The following ASB18 variants were observed in gnomAD, a reference collection of about 807,000 sequenced individuals.
ASB18 encodes the protein ankyrin repeat and SOCS box containing 18.
Under a neutral mutation model 33.4 loss-of-function variants are expected in ASB18, and 33 were observed. The observed-to-expected ratio is 0.99, with a 90% CI of 0.75 to 1.32. ASB18 has a LOEUF of 1.32. Among genes scored for constraint, ASB18 ranks in the 40% most tolerant of loss-of-function variants. ASB18 has a pLI of 0.00. For missense variants in ASB18, 694 were observed against 655.5 expected (o/e 1.06, Z -0.64); for synonymous variants, 295 against 307.6 (o/e 0.96, Z 0.43).
Position 236,216,772 on chromosome 2 carries a change from C to T in ASB18, c.597-1906G>A, listed in dbSNP as rs578021587. 2.6e-5 allele frequency among the ~76,000 whole-genome samples: 4 copies of T among 152,328 alleles called. 1 individual carries two copies. The highest frequency in any genetic ancestry group is 2.6e-4 in the Admixed American group (4 of 15,308). ...TGTGCCTGCCAACAACCCCACCACT[C>T]CCCCTGCCTGCTGGGCGAAGCCCAC... is the stretch of plus-strand genomic sequence containing the variant. On this transcript the variant is annotated intron_variant, in intron 3 of 5. Coordinates refer to ENST00000409749, the MANE Select transcript of ASB18 (RefSeq NM_212556.4). This position sits in a 1 kb window ranked among gnomAD's most constrained non-coding sequence, Gnocchi z 6.1.
chr2:236,242,688 A>T (rs1203739784), intron 1 of ASB18, among the ~76,000 whole-genome samples: 1 of 151,078 alleles, frequency 6.6e-6, no homozygotes, highest in African/African-American at 2.4e-5. Flanking sequence ...CTGGTCTCAA[A>T]CTCTTGATCT....
At chr2:236,218,797 CAAAA>C (rs574423455) in intron 3 of ASB18, among the ~76,000 whole-genome samples, 3,486 of 91,596 alleles carry the variant, frequency 0.038, 140 homozygotes, top group African/African-American at 0.11. Flanking sequence ...GACTCCATCT[CAAAA>C]AAAAAAAAAA....
In ASB18 at chr2:236,234,663, G is replaced by A. The variant is rs1006026544; in HGVS notation, c.596+3026C>T. 6.6e-6 allele frequency among the ~76,000 whole-genome samples: 1 copy of A among 152,164 alleles called. No homozygotes were observed. The highest frequency in any genetic ancestry group is 1.5e-5 in the Non-Finnish European group (1 of 68,034). ...ACAAAGGTGCAAAGACCGTTTGGTG[G>A]AGAAAGGAAGGGTTTAGATTCACAA... On this transcript the variant is annotated intron_variant, in intron 3 of 5. Transcript: ENST00000409749. This position sits in a 1 kb window ranked among gnomAD's most constrained non-coding sequence, Gnocchi z 4.1.
chr2:236,257,480 G>C lies in ASB18; in HGVS notation c.205+6661C>G, dbSNP rs192517981. On this transcript the variant is annotated intron_variant, in intron 1 of 5. Coordinates refer to ENST00000409749, the MANE Select transcript of ASB18 (RefSeq NM_212556.4). This position sits in a 1 kb window ranked among gnomAD's most constrained non-coding sequence, Gnocchi z 5.5. ...CCCATGATTTTTTGGGATTATTTTT[G>C]CTCAATGATTTGAAACCAGGGACTC... Among the ~76,000 whole-genome samples the C allele has an allele frequency of 2.6e-5, 4 of 152,228 alleles. No homozygotes were observed. The highest frequency in any genetic ancestry group is 5.9e-5 in the Non-Finnish European group (4 of 68,014).
rs779892784 is a variant in ASB18 at position 236,231,629 on chromosome 2, G to A, written c.596+6060C>T. On this transcript the variant is annotated intron_variant, in intron 3 of 5. Transcript: ENST00000409749. The surrounding 1 kb of genome is among the most constrained non-coding windows in gnomAD (Gnocchi z 5.5). ...TTATTATCATCACCCCTGGCTAAGC[G>A]TTCTCGCTATGTTGCTCAGGCTGGT... Among the ~76,000 whole-genome samples the A allele has an allele frequency of 1.2e-4, 18 of 152,170 alleles. No individual in the cohort carries two copies. Among genetic ancestry groups the A allele is most frequent in the Admixed American group, 3.3e-4 (5 of 15,272 alleles).
rs376567222 is a variant in ASB18 at position 236,194,987 on chromosome 2, C to G, written c.1286G>C (p.Arg429Pro). ...GCCAAACAGTCTGCGAAGAGCACAG[C>G]GGCAAAGATGCTGCAGGCAGCGTGG... Reference protein sequence around the residue: ...LTPRCLQHLCRCALRRLFGKR... With the variant: ...LTPRCLQHLCPCALRRLFGKR... The change falls in exon 6 of 6, where the codon CGC becomes CCC. Residue 429 changes from arginine (R) to proline (P), a missense_variant. Arg to Pro is a moderately radical substitution (Grantham distance 103). Transcript: ENST00000409749. This position sits in a 1 kb window ranked among gnomAD's most constrained non-coding sequence, Gnocchi z 4.5. The G allele has an allele frequency of 1.2e-6, 2 of 1,613,736 alleles. No individual in the cohort carries two copies. Among genetic ancestry groups the G allele is most frequent in the Non-Finnish European group, 8.5e-7 (1 of 1,179,852 alleles).
rs2060639413 is a variant in ASB18 at position 236,245,261 on chromosome 2, C to T, written c.206-3859G>A. 6.6e-6 allele frequency among the ~76,000 whole-genome samples: 1 copy of T among 152,242 alleles called. No homozygotes were observed. The stretch of plus-strand genomic sequence containing the variant: ...GGCTAGCTGCCCTTGGGGGCTGCTG[C>T]TCCCTGGACACCCACTGCTAGTGAC... On this transcript the variant is annotated intron_variant, in intron 1 of 5. Transcript: ENST00000409749. This position sits in a 1 kb window ranked among gnomAD's most constrained non-coding sequence, Gnocchi z 4.7.
Position 236,215,830 on chromosome 2 carries a change from A to G in ASB18, c.597-964T>C, listed in dbSNP as rs1004567194. Among the ~76,000 whole-genome samples the G allele has an allele frequency of 6.6e-6, 1 of 152,154 alleles. No homozygotes were observed. Among genetic ancestry groups the G allele is most frequent in the African/African-American group, 2.4e-5 (1 of 41,448 alleles). On this transcript the variant is annotated intron_variant, in intron 3 of 5. Transcript: ENST00000409749. The surrounding 1 kb of genome is among the most constrained non-coding windows in gnomAD (Gnocchi z 7.2). ...CCACCTGCTCCCATAGTCACCTGCC[A>G]TCGATAAGGCCGCTCCAGCCTTGGA...
rs895727955 is a variant in ASB18, at chr2:236,202,635, A to G, written c.1102-6250T>C. Among the ~76,000 whole-genome samples the G allele has an allele frequency of 2.1e-4, 32 of 151,738 alleles. 1 individual carries two copies. The highest frequency in any genetic ancestry group is 5.9e-5 in the Non-Finnish European group (4 of 67,908). The stretch of plus-strand genomic sequence containing the variant: ...AGAGATGGAGACCATCCTGGCCAAC[A>G]TAGTGTGGTGGCATGCACCTGTAGT... On this transcript the variant is annotated intron_variant, in intron 4 of 5. Coordinates refer to ENST00000409749, the MANE Select transcript of ASB18 (RefSeq NM_212556.4).
Position 236,214,840 on chromosome 2 carries a change from C to G in ASB18, c.623G>C (p.Gly208Ala). Residue 208 changes from glycine (G) to alanine (A), a missense_variant, in exon 4 of 6, where the codon GGG becomes GCG. By Grantham distance (60) the Gly-to-Ala change is moderately conservative. Transcript: ENST00000409749. This position sits in a 1 kb window ranked among gnomAD's most constrained non-coding sequence, Gnocchi z 6.5. ...GCCGCCCACGCGCTGCACCGAGGCC[C>G]CGTGCTCCAGCAGCGCCTGCGCGCA... The part of the protein sequence containing the change: ...LGCAQALLEH[G>A]ASVQRVGGTG... 8.2e-7 allele frequency: 1 copy of G among 1,212,896 alleles called. No individual in the cohort carries two copies. The highest frequency in any genetic ancestry group is 3.9e-5 in the South Asian group (1 of 25,834). The allele number at this position is 1,212,896 out of a possible 1,614,324, so 75.1% of individuals were successfully genotyped here. A position where few individuals can be genotyped will look rare whatever the true frequency, so the allele number is the denominator to read the frequency against.
In ASB18 at chr2:236,244,967, G is replaced by A. The variant is rs777895564; in HGVS notation, c.206-3565C>T. Reference sequence around the variant, plus strand: ...CACCTCTCTTCTACAGAGGAGGGCTGCAGTGGTGCTGGGTGGGGAGGGATG... The same window carrying A: ...CACCTCTCTTCTACAGAGGAGGGCTACAGTGGTGCTGGGTGGGGAGGGATG... On this transcript the variant is annotated intron_variant, in intron 1 of 5. Coordinates refer to ENST00000409749, the MANE Select transcript of ASB18 (RefSeq NM_212556.4). The surrounding 1 kb of genome is among the most constrained non-coding windows in gnomAD (Gnocchi z 6.1). Among the ~76,000 whole-genome samples the A allele has an allele frequency of 3.3e-5, 5 of 152,182 alleles. No homozygotes were observed. Among genetic ancestry groups the A allele is most frequent in the Admixed American group, 6.5e-5 (1 of 15,274 alleles).
intron 1 of ASB18, among the ~76,000 whole-genome samples, chr2:236,261,861 AAAGGGG>A (rs1394594741): frequency 6.6e-6 from 1 of 152,156 alleles, no homozygotes; most frequent in African/African-American, 2.4e-5. Context: ...GAGCCAAGTG[AAAGGGG>A]AAGCCCCTTA....
Position 236,237,866 on chromosome 2 carries a change from A to G in ASB18, c.419T>C (p.Leu140Pro). The G allele has an allele frequency of 6.8e-7, 1 of 1,473,950 alleles. No homozygotes were observed. Among genetic ancestry groups the G allele is most frequent in the Non-Finnish European group, 8.9e-7 (1 of 1,121,306 alleles). 91.3% of individuals were successfully genotyped at this position (1,473,950 alleles called of 1,614,324 possible). ...GGCGTCTGGGTCTGCGCCGCGGCCG[A>G]GCAGGTGTCGCACGCAGGCGGTGTG... ...HGHTACVRHL[L>P]GRGADPDASP... The change falls in exon 3 of 6, where the codon CTC becomes CCC. Residue 140 changes from leucine to proline, a missense_variant. Leu to Pro is a moderately conservative substitution (Grantham distance 98). Transcript: ENST00000409749. This position sits in a 1 kb window ranked among gnomAD's most constrained non-coding sequence, Gnocchi z 6.2.
intron 1 of ASB18, among the ~76,000 whole-genome samples, chr2:236,254,694 C>T (rs1394236721): frequency 2.0e-5 from 3 of 151,930 alleles, no homozygotes; most frequent in Non-Finnish European, 2.9e-5. Context: ...TTCAAATTTG[C>T]CGGCTCTGTC....
Position 236,194,105 on chromosome 2 carries a change from G to A in ASB18, c.*767C>T. Reference sequence around the variant, plus strand: ...AATGAATGAATGAATACAAATTATTGTAAAGTAAAAATTCATAAGGCATAC... The same window carrying A: ...AATGAATGAATGAATACAAATTATTATAAAGTAAAAATTCATAAGGCATAC... On this transcript the variant is annotated 3_prime_UTR_variant, in exon 6 of 6. Coordinates refer to ENST00000409749, the MANE Select transcript of ASB18 (RefSeq NM_212556.4). This position sits in a 1 kb window ranked among gnomAD's most constrained non-coding sequence, Gnocchi z 4.5. 6.8e-6 allele frequency among the ~76,000 whole-genome samples: 1 copy of A among 146,816 alleles called. No homozygotes were observed. The highest frequency in any genetic ancestry group is 2.7e-5 in the African/African-American group (1 of 36,526).
At chr2:236,199,678 T>TAAG (rs1410210888) in intron 4 of ASB18, among the ~76,000 whole-genome samples, 2 of 152,038 alleles carry the variant, frequency 1.3e-5, no homozygotes, top group African/African-American at 4.8e-5. Flanking sequence ...CTCAATTTAC[T>TAAG]AAGATTTTTA....
chr2:236,214,788 C>T lies in ASB18; in HGVS notation c.675G>A (p.Val225=). 8.3e-7 allele frequency: 1 copy of T among 1,203,384 alleles called. No individual in the cohort carries two copies. The allele number at this position is 1,203,384 out of a possible 1,614,324, so 74.5% of individuals were successfully genotyped here. ...GGTGRDTPLH[V]AAQRGLDEHA... ...GCTCGTCCAGGCCGCGCTGCGCCGC[C>T]ACGTGCAGCGGCGTGTCCCGGCCCG... The change falls in exon 4 of 6, where the codon GTG becomes GTA. Residue 225 remains valine (V), a synonymous_variant. Coordinates refer to ENST00000409749, the MANE Select transcript of ASB18 (RefSeq NM_212556.4). This position sits in a 1 kb window ranked among gnomAD's most constrained non-coding sequence, Gnocchi z 6.5.
Position 236,194,149 on chromosome 2 carries a change from T to C in ASB18, c.*723A>G, listed in dbSNP as rs72974784. Among the ~76,000 whole-genome samples, 15,667 of 152,232 alleles carry C rather than the reference T, an allele frequency of 0.1. 926 individuals are homozygous for C. Among genetic ancestry groups the C allele is most frequent in the Middle Eastern group, 0.21 (63 of 294 alleles). ...GGCATACAATAATCATCCAAATGCA[T>C]GACAATAAATGATGCGGTATGAGAG... On this transcript the variant is annotated 3_prime_UTR_variant, in exon 6 of 6. Coordinates refer to ENST00000409749, the MANE Select transcript of ASB18 (RefSeq NM_212556.4). This position sits in a 1 kb window ranked among gnomAD's most constrained non-coding sequence, Gnocchi z 4.5.
At position 236,259,331 on chromosome 2, in the gene ASB18, C is replaced by G. The variant is rs2060707474; in HGVS notation, c.205+4810G>C. ...ACTGCACCCAGAGTCCAAGCTTTCT[C>G]TCAGGGTTAATACCCTGTGCTAGGC... On this transcript the variant is annotated intron_variant, in intron 1 of 5. Coordinates refer to ENST00000409749, the MANE Select transcript of ASB18 (RefSeq NM_212556.4). The surrounding 1 kb of genome is among the most constrained non-coding windows in gnomAD (Gnocchi z 4.4). 6.6e-6 allele frequency among the ~76,000 whole-genome samples: 1 copy of G among 152,216 alleles called. No individual in the cohort carries two copies. The highest frequency in any genetic ancestry group is 2.1e-4 in the South Asian group (1 of 4,830).
Sources: gnomAD v4.1 joint callset for allele counts (sites outside exome capture counted in the v4.1 genomes callset) on GRCh38, gnomAD v4.1.1 for gene constraint, Gnocchi (gnomAD v3.1) non-coding constraint, MANE v1.5 for transcripts, NCBI Gene and HGNC (gene_info 2026-07-23, HGNC 2026-07-21) for gene names.